Variants in CSMD1 observed in about 807,000 individuals in gnomAD.
The protein encoded by CSMD1 is CUB and sushi domain-containing protein 1.
In CSMD1, 213 loss-of-function variants were observed where a neutral mutation model predicts 417.5. That is an observed-to-expected ratio of 0.51 (90% CI 0.46 to 0.57). The LOEUF (loss-of-function observed/expected upper bound fraction) is 0.57. Among genes scored for constraint, CSMD1 ranks in the 20% least tolerant of loss-of-function variants. The pLI is 0.00. For missense variants in CSMD1, 6,923 were observed against 4,529.7 expected (o/e 1.53, Z -15.17); for synonymous variants, 2,862 against 1,736.8 (o/e 1.65, Z -16.11).
intron 3 of CSMD1, among the ~76,000 whole-genome samples, chr8:4,220,522 G>C (rs1800963857): frequency 6.6e-6 from 1 of 152,192 alleles, no homozygotes; most frequent in Non-Finnish European, 1.5e-5. Flanking sequence ...TAGTGCAAGA[G>C]TGGAAACATG....
intron 5 of CSMD1, among the ~76,000 whole-genome samples, chr8:3,922,823 A>C (rs935290675): frequency 6.6e-6 from 1 of 152,134 alleles, no homozygotes; most frequent in Admixed American, 6.6e-5. Flanking sequence ...AAAATTCTAT[A>C]TATTCATGGT....
chr8:4,463,711 C>G (rs934055630), intron 2 of CSMD1, among the ~76,000 whole-genome samples: 2 of 152,016 alleles, frequency 1.3e-5, no homozygotes, highest in Admixed American at 6.6e-5. Flanking sequence ...TCCCTAGAGA[C>G]GAAAATAAAT....
intron 7 of CSMD1, among the ~76,000 whole-genome samples, chr8:3,639,237 T>A (rs73493688): frequency 1.3e-5 from 2 of 152,180 alleles, no homozygotes; most frequent in African/African-American, 4.8e-5. Flanking sequence ...GACTAGTCCA[T>A]TGACAATGAA....
chr8:4,138,832 CTA>C (rs1159757060), intron 3 of CSMD1, among the ~76,000 whole-genome samples: 2 of 152,024 alleles, frequency 1.3e-5, no homozygotes, highest in Admixed American at 6.5e-5. Flanking sequence ...GAGGCAAATT[CTA>C]TAGAGAATAA....
intron 1 of CSMD1, among the ~76,000 whole-genome samples, chr8:4,988,718 C>T (rs1165691614): frequency 6.6e-6 from 1 of 152,170 alleles, no homozygotes; most frequent in Non-Finnish European, 1.5e-5. Context: ...ATGGCATTTT[C>T]CTCTCCCATA....
At chr8:3,146,838 C>T (rs1585475669) in intron 40 of CSMD1, among the ~76,000 whole-genome samples, 1 of 152,164 alleles carries the variant, frequency 6.6e-6, no homozygotes, top group Non-Finnish European at 1.5e-5. Flanking sequence ...TGGGAATGGG[C>T]TCTGGGAGTA....
chr8:4,548,003 A>G (rs1331277175), intron 2 of CSMD1, among the ~76,000 whole-genome samples: 1 of 152,216 alleles, frequency 6.6e-6, no homozygotes, highest in Non-Finnish European at 1.5e-5. Flanking sequence ...ACTCCCAAGC[A>G]ATCCAGTACT....
chr8:3,210,823 A>C (rs1040085545), intron 30 of CSMD1, among the ~76,000 whole-genome samples: 29 of 151,610 alleles, frequency 1.9e-4, no homozygotes, highest in African/African-American at 7.0e-4. Context: ...CACAAATTCA[A>C]CTGTAATTGA....
chr8:3,603,433 TTA>T (rs1563191078), intron 8 of CSMD1, among the ~76,000 whole-genome samples: 1 of 152,178 alleles, frequency 6.6e-6, no homozygotes, highest in Non-Finnish European at 1.5e-5. Flanking sequence ...CCTCCTTTCT[TTA>T]TATGACAAAC....
chr8:4,390,028 C>G (rs1017591234), intron 3 of CSMD1, among the ~76,000 whole-genome samples: 1 of 152,180 alleles, frequency 6.6e-6, no homozygotes, highest in Admixed American at 6.5e-5. Flanking sequence ...TTGCTTTTCA[C>G]AAATTGCTAT....
intron 3 of CSMD1, among the ~76,000 whole-genome samples, chr8:4,074,120 T>G (rs1563088387): frequency 6.6e-6 from 1 of 152,118 alleles, no homozygotes; most frequent in Non-Finnish European, 1.5e-5. Context: ...AAATGGGTTT[T>G]AAGTTGATCA....
chr8:3,171,831 T>G (rs529916995), intron 37 of CSMD1, among the ~76,000 whole-genome samples: 1 of 152,332 alleles, frequency 6.6e-6, no homozygotes, highest in Non-Finnish European at 1.5e-5. Context: ...ATCCATTATT[T>G]GGGAATAGAG....
intron 1 of CSMD1, among the ~76,000 whole-genome samples, chr8:4,755,982 T>A (rs534896233): frequency 6.6e-5 from 10 of 152,346 alleles, no homozygotes; most frequent in African/African-American, 2.4e-4. Flanking sequence ...AACTATATGA[T>A]GAATTATTTA....
chr8:4,836,520 T>G (rs956480625), intron 1 of CSMD1, among the ~76,000 whole-genome samples: 2 of 152,180 alleles, frequency 1.3e-5, no homozygotes, highest in African/African-American at 4.8e-5. Context: ...ATATGCTAAT[T>G]GTAATAAATA....
intron 1 of CSMD1, among the ~76,000 whole-genome samples, chr8:4,750,158 A>C (rs2117044695): frequency 6.6e-6 from 1 of 152,120 alleles, no homozygotes; most frequent in African/African-American, 2.4e-5. Context: ...GGCGCCCGCC[A>C]CCACGCCCGG....
chr8:4,976,557 G>A (rs1338082598), intron 1 of CSMD1, among the ~76,000 whole-genome samples: 1 of 152,138 alleles, frequency 6.6e-6, no homozygotes, highest in Non-Finnish European at 1.5e-5. Context: ...TATTGGGACT[G>A]ATTTGTTGTT....
At chr8:4,284,967 C>A (rs1642071251) in intron 3 of CSMD1, among the ~76,000 whole-genome samples, 1 of 152,188 alleles carries the variant, frequency 6.6e-6, no homozygotes, top group Admixed American at 6.5e-5. Flanking sequence ...AACCTCACCT[C>A]ACCTCGCCTC....
chr8:4,461,521 G>A (rs570783143), intron 2 of CSMD1, among the ~76,000 whole-genome samples: 6 of 124,166 alleles, frequency 4.8e-5, no homozygotes, highest in African/African-American at 1.8e-4. Context: ...AGTAGAAGAT[G>A]AATATGCAAA....
intron 7 of CSMD1, among the ~76,000 whole-genome samples, chr8:3,678,738 G>C (rs550594873): frequency 1.3e-5 from 2 of 152,248 alleles, no homozygotes; most frequent in South Asian, 4.1e-4. Context: ...ATAATTGTCA[G>C]ATTCACCAAA....
Sources: gnomAD v4.1 joint callset for allele counts (sites outside exome capture counted in the v4.1 genomes callset) on GRCh38, gnomAD v4.1.1 for gene constraint, MANE v1.5 for transcripts, NCBI Gene and HGNC (gene_info 2026-07-23, HGNC 2026-07-21) for gene names.